Variants in MGAT5 observed in about 807,000 individuals in gnomAD.
MGAT5 encodes alpha-1,6-mannosylglycoprotein 6-beta-N-acetylglucosaminyltransferase, also known as alpha-1,6-mannosylglycoprotein 6-beta-N-acetylglucosaminyltransferase A.
MGAT5 carries 30 observed loss-of-function variants against 94.3 expected under a neutral mutation model. The observed-to-expected ratio is 0.32, with a 90% CI of 0.24 to 0.43. The LOEUF is 0.43. Ranked by LOEUF, MGAT5 falls within the 20% of genes least tolerant of loss-of-function variation. The pLI, the probability that MGAT5 is intolerant of heterozygous loss-of-function variation, is 1.00. For missense variants in MGAT5, 691 were observed against 905.5 expected (o/e 0.76, Z 3.04); for synonymous variants, 310 against 322.9 (o/e 0.96, Z 0.43).
At position 134,365,849 on chromosome 2, in the gene MGAT5, G is replaced by A. The variant is rs112228963; in HGVS notation, c.1380+3441G>A. On this transcript the variant is annotated intron_variant, in intron 10 of 15. Transcript: ENST00000281923. ...TAAATGCCTATCAAGAAAAACAAGTGTATTAAATATACAAGCTAAGGAGGA... is the reference window on the plus strand; with the variant it reads ...TAAATGCCTATCAAGAAAAACAAGTATATTAAATATACAAGCTAAGGAGGA... Among the ~76,000 whole-genome samples, 463 of 152,156 alleles carry A rather than the reference G, an allele frequency of 3.0e-3. 3 individuals are homozygous for A. Among genetic ancestry groups the A allele is most frequent in the Middle Eastern group, 0.014 (4 of 294 alleles).
intron 10 of MGAT5, among the ~76,000 whole-genome samples, chr2:134,394,842 C>T (rs1049047963): frequency 3.9e-5 from 6 of 152,220 alleles, no homozygotes; most frequent in Non-Finnish European, 7.3e-5. Context: ...TCTGGCCAAG[C>T]TCATCAAGCT....
intron 14 of MGAT5, among the ~76,000 whole-genome samples, chr2:134,434,956 G>C (rs189839715): frequency 6.6e-6 from 1 of 152,286 alleles, no homozygotes; most frequent in East Asian, 1.9e-4. Flanking sequence ...AGTACTGAAT[G>C]AATGAGGAAA....
intron 1 of MGAT5, among the ~76,000 whole-genome samples, chr2:134,126,091 A>G (rs1573701306): frequency 2.0e-5 from 3 of 152,332 alleles, no homozygotes; most frequent in Admixed American, 6.5e-5. Flanking sequence ...CAGAGGCCAC[A>G]CAAAATGCTT....
At chr2:134,409,836 T>G (rs970015819) in intron 11 of MGAT5, among the ~76,000 whole-genome samples, 1 of 152,194 alleles carries the variant, frequency 6.6e-6, no homozygotes, top group African/African-American at 2.4e-5. Flanking sequence ...AACGTCCCAA[T>G]CCTATACTGT....
intron 2 of MGAT5, among the ~76,000 whole-genome samples, chr2:134,290,423 C>A (rs1377185589): frequency 3.9e-5 from 6 of 152,018 alleles, no homozygotes. Flanking sequence ...GACTGATGAT[C>A]TAGTCATCCT....
intron 1 of MGAT5, among the ~76,000 whole-genome samples, chr2:134,159,564 C>T (rs1687636891): frequency 6.6e-6 from 1 of 152,174 alleles, no homozygotes; most frequent in South Asian, 2.1e-4. Flanking sequence ...TGAGGCTGGG[C>T]ATGGTGGCTA....
At chr2:134,343,907 ACTGT>A (rs36025491) in intron 7 of MGAT5, among the ~76,000 whole-genome samples, 94,088 of 151,598 alleles carry the variant, frequency 0.62, 30,540 homozygotes, top group Admixed American at 0.72. Context: ...GAAGATAATC[ACTGT>A]CTGGCCCTTA....
chr2:134,371,598 T>C (rs980308160), intron 10 of MGAT5, among the ~76,000 whole-genome samples: 13 of 152,274 alleles, frequency 8.5e-5, no homozygotes, highest in African/African-American at 2.6e-4. Context: ...CTTCTTTGGA[T>C]TGGGGCTTGA....
At chr2:134,167,547 C>T (rs764834420) in intron 1 of MGAT5, among the ~76,000 whole-genome samples, 14 of 152,268 alleles carry the variant, frequency 9.2e-5, no homozygotes, top group Non-Finnish European at 1.5e-4. Context: ...GTTGCCGGTT[C>T]GGGGTCTACA....
chr2:134,356,396 G>A (rs1679743495), intron 9 of MGAT5, among the ~76,000 whole-genome samples: 2 of 151,998 alleles, frequency 1.3e-5, no homozygotes, highest in East Asian at 1.9e-4. Context: ...CTAAGCCTAA[G>A]TATTTTCTTG....
At position 134,452,929 on chromosome 2, in the gene MGAT5, C is replaced by T. The variant is rs1309322635; in HGVS notation, c.*4082C>T. 3.9e-5 allele frequency: 6 copies of T among 152,130 alleles called. No homozygotes were observed. In the South Asian group the frequency reaches 8.3e-4, roughly 21 times the overall value. 9.4% of individuals were successfully genotyped at this position (152,130 alleles called of 1,614,324 possible). On this transcript the variant is annotated 3_prime_UTR_variant, in exon 16 of 16. Coordinates refer to ENST00000281923, the MANE Select transcript of MGAT5 (RefSeq NM_002410.5). ...AGGGTGAGTTCCTGTGATTCTTGTT[C>T]GCTTCAACAAAAAGTGGGAGACCAA...
chr2:134,350,962 C>A (rs1306317050), intron 9 of MGAT5, among the ~76,000 whole-genome samples: 1 of 152,108 alleles, frequency 6.6e-6, no homozygotes, highest in Non-Finnish European at 1.5e-5. Flanking sequence ...TTGCCCCTCC[C>A]CCTTGTACAC....
At chr2:134,363,945 G>A (rs1454650265) in intron 10 of MGAT5, among the ~76,000 whole-genome samples, 1 of 152,174 alleles carries the variant, frequency 6.6e-6, no homozygotes, top group Non-Finnish European at 1.5e-5. Context: ...ATGGTTTACG[G>A]CATTGGTTTT....
chr2:134,200,149 A>G (rs1391235800), intron 1 of MGAT5, among the ~76,000 whole-genome samples: 1 of 38,396 alleles, frequency 2.6e-5, no homozygotes, highest in African/African-American at 1.0e-4. Flanking sequence ...CCGCCCCCCA[A>G]TCCCCCCATT....
At chr2:134,392,723 A>T (rs1207708219) in intron 10 of MGAT5, among the ~76,000 whole-genome samples, 1 of 152,264 alleles carries the variant, frequency 6.6e-6, no homozygotes, top group Non-Finnish European at 1.5e-5. Context: ...GTATTAATGC[A>T]TATGGCATGG....
intron 1 of MGAT5, among the ~76,000 whole-genome samples, chr2:134,233,136 T>C (rs1681456594): frequency 6.6e-6 from 1 of 152,250 alleles, no homozygotes; most frequent in Non-Finnish European, 1.5e-5. Flanking sequence ...TTGTTTTTTG[T>C]AGATTGTAAA....
chr2:134,420,785 G>A (rs73960908), intron 12 of MGAT5, among the ~76,000 whole-genome samples: 2,831 of 152,174 alleles, frequency 0.019, 79 homozygotes, highest in African/African-American at 0.057. Context: ...TTGCCTACCC[G>A]TGTAATTTCA....
chr2:134,373,378 A>G (rs1403882062), intron 10 of MGAT5, among the ~76,000 whole-genome samples: 1 of 152,194 alleles, frequency 6.6e-6, no homozygotes, highest in Non-Finnish European at 1.5e-5. Context: ...TCAAGTGAGG[A>G]AAGGGTTGAC....
rs984321951 is a variant in MGAT5 at position 134,127,631 on chromosome 2, T to C, written c.-143+7340T>C. ...GGCCTGGCGTGCTGGAGTCACGAGA[T>C]GAGCTGTCCAGGCAGCATGGCATCG... On this transcript the variant is annotated intron_variant, in intron 1 of 16. Transcript: ENST00000409645. 9.2e-5 allele frequency among the ~76,000 whole-genome samples: 14 copies of C among 151,828 alleles called. No individual in the cohort carries two copies. In the East Asian group the frequency reaches 2.3e-3, roughly 25 times the overall value.
Sources: allele counts gnomAD v4.1 joint callset (sites outside exome capture counted in the v4.1 genomes callset), GRCh38; gene constraint gnomAD v4.1.1; transcripts MANE v1.5; gene names NCBI Gene and HGNC (gene_info 2026-07-23, HGNC 2026-07-21).